Variants in TTLL10 observed in about 807,000 individuals in gnomAD.
The protein encoded by TTLL10 is inactive polyglycylase TTLL10.
A neutral mutation model predicts 69.0 loss-of-function variants in TTLL10; 61 were observed. The ratio of observed to expected loss-of-function variants is 0.88; its 90% CI spans 0.72 to 1.09. The LOEUF is 1.09. Among genes scored for constraint, TTLL10 ranks in the 50% least tolerant of loss-of-function variants. The pLI is 0.00. For synonymous variants in TTLL10, 408 were observed against 393.3 expected (o/e 1.04, Z -0.44); for missense variants, 962 against 945.9 (o/e 1.02, Z -0.22).
At position 1,185,807 on chromosome 1, in the gene TTLL10, C is replaced by A. The variant is rs77466678; in HGVS notation, c.1401+698C>A. 15 of 985,504 alleles carry A rather than the reference C, an allele frequency of 1.5e-5. No homozygotes were observed. The highest frequency in any genetic ancestry group is 1.6e-5 in the Non-Finnish European group (13 of 829,950). 61.0% of individuals were successfully genotyped at this position (985,504 alleles called of 1,614,324 possible). Reference sequence around the variant, plus strand: ...GAGCCTCCAGTTACTTTCCTCACATCTCCCAAACTCTCTCTTAATTGCGAT... The same window carrying A: ...GAGCCTCCAGTTACTTTCCTCACATATCCCAAACTCTCTCTTAATTGCGAT... On this transcript the variant is annotated intron_variant, in intron 13 of 15. Transcript: ENST00000379289. This position sits in a 1 kb window ranked among gnomAD's most constrained non-coding sequence, Gnocchi z 6.1.
At chr1:1,189,999 C>CTG (rs70949561) in intron 13 of TTLL10, among the ~76,000 whole-genome samples, 3 of 151,822 alleles carry the variant, frequency 2.0e-5, no homozygotes, top group Non-Finnish European at 4.4e-5. Flanking sequence ...GTAGTCCCAG[C>CTG]TACTCGGGAG....
At chr1:1,175,347 T>C (rs986810923) in intron 3 of TTLL10, 45 of 282,614 alleles carry the variant, frequency 1.6e-4, no homozygotes, top group Non-Finnish European at 2.8e-4. Context: ...GCTTCCGCTT[T>C]CTAACTGCCT....
At chr1:1,189,603 C>T (rs1647594853) in intron 13 of TTLL10, among the ~76,000 whole-genome samples, 1 of 152,134 alleles carries the variant, frequency 6.6e-6, no homozygotes, top group African/African-American at 2.4e-5. Flanking sequence ...ACCCTGGCCT[C>T]ATAGCATGTT....
intron 3 of TTLL10, among the ~76,000 whole-genome samples, chr1:1,177,075 GGTGTCTGTGTGT>G (rs922168178): frequency 6.8e-6 from 1 of 146,492 alleles, no homozygotes; most frequent in Non-Finnish European, 1.5e-5. Context: ...TGTGTGTGTG[GGTGTCTGTGTGT>G]GTGTCTGTGT....
At chr1:1,189,438 C>T (rs1381508384) in intron 13 of TTLL10, among the ~76,000 whole-genome samples, 1 of 152,070 alleles carries the variant, frequency 6.6e-6, no homozygotes, top group Non-Finnish European at 1.5e-5. Flanking sequence ...ATGACAAACC[C>T]CGCTTGATGA....
chr1:1,189,462 T>A (rs2100905846), intron 13 of TTLL10, among the ~76,000 whole-genome samples: 1 of 152,358 alleles, frequency 6.6e-6, no homozygotes, highest in East Asian at 1.9e-4. Context: ...TATAGAACCA[T>A]TTAAATTTAA....
chr1:1,194,362 T>C (rs1206895543), intron 13 of TTLL10, among the ~76,000 whole-genome samples: 2 of 152,218 alleles, frequency 1.3e-5, no homozygotes, highest in Non-Finnish European at 2.9e-5. Context: ...TGTATACAGT[T>C]GTCTTTTAGG....
chr1:1,179,840 G>GC, intron 5 of TTLL10, 103 bp downstream of exon 5: 1 of 1,458,172 alleles, frequency 6.9e-7, no homozygotes, highest in Non-Finnish European at 9.0e-7. Flanking sequence ...GGTGGTCACG[G>GC]CCCCTCCCCA....
intron 9 of TTLL10, among the ~76,000 whole-genome samples, 186 bp downstream of exon 9, chr1:1,182,001 G>T (rs968570606): frequency 6.6e-6 from 1 of 152,266 alleles, no homozygotes. Flanking sequence ...GCTGGGGCAG[G>T]GCCAGGGGCT....
Position 1,181,911 on chromosome 1 carries a change from A to C in TTLL10, c.830+96A>C. 1 of 1,159,340 alleles carries C rather than the reference A, an allele frequency of 8.6e-7. No individual in the cohort carries two copies. Among genetic ancestry groups the C allele is most frequent in the Non-Finnish European group, 1.2e-6 (1 of 804,556 alleles). The allele number at this position is 1,159,340 out of a possible 1,614,324, so 71.8% of individuals were successfully genotyped here. On this transcript the variant is annotated intron_variant, in intron 9 of 15. Coordinates refer to ENST00000379289, the MANE Select transcript of TTLL10 (RefSeq NM_001130045.2). This position sits in a 1 kb window ranked among gnomAD's most constrained non-coding sequence, Gnocchi z 4.6. ...GGAGAAAGCGGGGCGGGGGTCCCAC[A>C]CAAAGGAAAACCACGAGCTAGAGTC...
chr1:1,176,836 C>G (rs576276263), intron 3 of TTLL10, among the ~76,000 whole-genome samples: 12 of 152,358 alleles, frequency 7.9e-5, no homozygotes, highest in Non-Finnish European at 1.5e-4. Context: ...AAATCCCAAC[C>G]CCGGTGTTGC....
chr1:1,180,457 G>GGGACC, intron 6 of TTLL10, 26 bp from the exon 7 acceptor site: 1 of 1,520,750 alleles, frequency 6.6e-7, no homozygotes, highest in Non-Finnish European at 8.9e-7. Context: ...CGGCCCCCAG[G>GGGACC]TCACCCCCGC....
chr1:1,180,808 C>G lies in TTLL10; in HGVS notation c.703C>G (p.Arg235Gly). 1 of 1,602,494 alleles carries G rather than the reference C, an allele frequency of 6.2e-7. No homozygotes were observed. The highest frequency in any genetic ancestry group is 8.5e-7 in the Non-Finnish European group (1 of 1,175,526). ...CGGGCTGCTCAGCACCCTTCGGGGACGGGCACGGGCCATGAGCAAGGCCAG... is the reference window on the plus strand; with the variant it reads ...CGGGCTGCTCAGCACCCTTCGGGGAGGGGCACGGGCCATGAGCAAGGCCAG... The part of the protein sequence containing the change: ...KIGLLSTLRG[R>G]ARAMSKASKV... Residue 235 changes from arginine to glycine, a missense_variant, in exon 8 of 16, where the codon CGG (arginine) becomes GGG (glycine). Physicochemically the swap from Arg to Gly is moderately radical, Grantham distance 125. Coordinates refer to ENST00000379289, the MANE Select transcript of TTLL10 (RefSeq NM_001130045.2).
intron 13 of TTLL10, among the ~76,000 whole-genome samples, chr1:1,192,506 T>C (rs760512307): frequency 8.6e-5 from 13 of 151,920 alleles, no homozygotes; most frequent in Non-Finnish European, 1.5e-4. Context: ...CTCCAGTTGA[T>C]ATCAGTGTAG....
chr1:1,191,813 G>C (rs187224741), intron 13 of TTLL10, among the ~76,000 whole-genome samples: 1 of 152,228 alleles, frequency 6.6e-6, no homozygotes, highest in African/African-American at 2.4e-5. Context: ...TATCCCTTAC[G>C]GGAAACGAAG....
At chr1:1,186,996 G>A (rs544146974) in intron 13 of TTLL10, among the ~76,000 whole-genome samples, 77 of 149,004 alleles carry the variant, frequency 5.2e-4, no homozygotes, top group Non-Finnish European at 8.6e-4. Flanking sequence ...ACAGGCGCCC[G>A]CCACCACGCC....
intron 11 of TTLL10, among the ~76,000 whole-genome samples, chr1:1,183,613 C>T (rs1241522455): frequency 6.6e-6 from 1 of 152,196 alleles, no homozygotes; most frequent in Non-Finnish European, 1.5e-5. Flanking sequence ...TGTGCTCCCT[C>T]TGCCTAGCGC....
At chr1:1,196,992 C>A (rs920964231) in intron 14 of TTLL10, 101 bp from the exon 15 acceptor site, 3 of 1,145,900 alleles carry the variant, frequency 2.6e-6, no homozygotes, top group Admixed American at 4.2e-5. Context: ...AGGAAGGAAG[C>A]AATCTCCCAG....
At chr1:1,193,312 G>A (rs1317203663) in intron 13 of TTLL10, among the ~76,000 whole-genome samples, 6 of 152,126 alleles carry the variant, frequency 3.9e-5, no homozygotes, top group South Asian at 2.1e-4. Context: ...GTGACAGAGC[G>A]AGACTCCGTC....
Sources: gnomAD v4.1 joint callset for allele counts (sites outside exome capture counted in the v4.1 genomes callset) on GRCh38, gnomAD v4.1.1 for gene constraint, Gnocchi (gnomAD v3.1) non-coding constraint, MANE v1.5 for transcripts, NCBI Gene and HGNC (gene_info 2026-07-23, HGNC 2026-07-21) for gene names.